Variants in AGAP1 observed in about 807,000 individuals in gnomAD.
AGAP1 encodes the protein ArfGAP with GTPase domain, ankyrin repeat and PH domain 1.
In AGAP1, 29 loss-of-function variants were observed where a neutral mutation model predicts 105.3. That is an observed-to-expected ratio of 0.28 (90% confidence interval 0.21 to 0.38). The LOEUF (loss-of-function observed/expected upper bound fraction) is 0.38, where lower values mean the gene tolerates loss of function less well. AGAP1 is among the 10% of genes least tolerant of loss of function. The probability of loss-of-function intolerance (pLI) is 1.00; values close to 1 mark genes in which losing one functional copy is unlikely to be tolerated. For missense variants in AGAP1, 998 were observed against 1,165.1 expected (o/e 0.86, Z 2.09); for synonymous variants, 509 against 485.9 (o/e 1.05, Z -0.63).
rs532445699 is a variant in AGAP1, at chr2:235,977,000, G to A, written c.1645+8377G>A. Among the ~76,000 whole-genome samples, 13 of 152,286 alleles carry A rather than the reference G, an allele frequency of 8.5e-5. No homozygotes were observed. In the South Asian group the frequency reaches 1.0e-3, roughly 12 times the overall value. The stretch of plus-strand genomic sequence containing the variant: ...AAGCATAAACTCACCTTTGAAAAAT[G>A]CTGACTACTCACAAGGTCCCTTTCT... On this transcript the variant is annotated intron_variant, in intron 13 of 17. Transcript: ENST00000304032. The surrounding 1 kb of genome is among the most constrained non-coding windows in gnomAD (Gnocchi z 4.5).
rs1055864187 is a variant in AGAP1 at position 236,050,171 on chromosome 2, T to C, written c.2114+890T>C. ...TTGTTTTGCTGCTGATCAGATAAAATGAAAGTTCAAGTGGTAATCTGTGGT... is the reference window on the plus strand; with the variant it reads ...TTGTTTTGCTGCTGATCAGATAAAACGAAAGTTCAAGTGGTAATCTGTGGT... On this transcript the variant is annotated intron_variant, in intron 16 of 17. Coordinates refer to ENST00000304032, the MANE Select transcript of AGAP1 (RefSeq NM_001037131.3). The surrounding 1 kb of genome is among the most constrained non-coding windows in gnomAD (Gnocchi z 4.0). Among the ~76,000 whole-genome samples the C allele has an allele frequency of 2.0e-5, 3 of 152,220 alleles. No individual in the cohort carries two copies. The highest frequency in any genetic ancestry group is 7.2e-5 in the African/African-American group (3 of 41,450).
chr2:235,758,428 A>G (rs565045627), intron 6 of AGAP1, among the ~76,000 whole-genome samples: 3 of 152,276 alleles, frequency 2.0e-5, no homozygotes, highest in African/African-American at 7.2e-5. Context: ...TACATGGTGC[A>G]GCTGGTGTCA....
chr2:235,984,025 C>T (rs1321569140), intron 13 of AGAP1, among the ~76,000 whole-genome samples: 1 of 152,210 alleles, frequency 6.6e-6, no homozygotes, highest in Non-Finnish European at 1.5e-5. Flanking sequence ...TTCTTCACTC[C>T]AAACAGAAAT....
rs1443718767 is a variant in AGAP1, at chr2:235,866,616, CTG to C, written c.1051-16720_1051-16719del. On this transcript the variant is annotated intron_variant, in intron 9 of 17. Coordinates refer to ENST00000304032, the MANE Select transcript of AGAP1 (RefSeq NM_001037131.3). The surrounding 1 kb of genome is among the most constrained non-coding windows in gnomAD (Gnocchi z 6.1). Reference sequence around the variant, plus strand: ...AGCAGTGCACAGCCTGTTCATGCACCTGTGTGTGTGAGTCAGCTCAAACTGCC... The same window carrying C: ...AGCAGTGCACAGCCTGTTCATGCACCTGTGTGTGAGTCAGCTCAAACTGCC... Among the ~76,000 whole-genome samples, 1 of 152,196 alleles carries C rather than the reference CTG, an allele frequency of 6.6e-6. No homozygotes were observed. Among genetic ancestry groups the C allele is most frequent in the African/African-American group, 2.4e-5 (1 of 41,448 alleles).
intron 6 of AGAP1, among the ~76,000 whole-genome samples, chr2:235,770,609 A>G (rs1389669729): frequency 6.6e-6 from 1 of 152,238 alleles, no homozygotes; most frequent in Admixed American, 6.5e-5. Flanking sequence ...CTCCTAAAGT[A>G]GAAGATTTAA....
rs1457977903 is a variant in AGAP1, at chr2:236,053,606, C to T, written c.2114+4325C>T. 1.3e-5 allele frequency among the ~76,000 whole-genome samples: 2 copies of T among 152,272 alleles called. No individual in the cohort carries two copies. The highest frequency in any genetic ancestry group is 6.5e-5 in the Admixed American group (1 of 15,290). ...GCCACATTCCTCTTGGCAGAAGCCT[C>T]GCTCTGCGTGGCACTGCATCTCCCC... On this transcript the variant is annotated intron_variant, in intron 16 of 17. Transcript: ENST00000304032. The surrounding 1 kb of genome is among the most constrained non-coding windows in gnomAD (Gnocchi z 4.6).
intron 16 of AGAP1, among the ~76,000 whole-genome samples, chr2:236,063,588 G>C (rs1488199070): frequency 1.3e-5 from 2 of 152,238 alleles, no homozygotes; most frequent in African/African-American, 4.8e-5. Flanking sequence ...ATTTGTGCTG[G>C]TGATTTCGAC....
intron 8 of AGAP1, among the ~76,000 whole-genome samples, chr2:235,803,069 T>TGTG (rs1957645615): frequency 9.3e-4 from 2 of 2,152 alleles, no homozygotes; most frequent in African/African-American, 1.3e-3. Flanking sequence ...TGGTGATAGT[T>TGTG]GTGATGGTGA....
At chr2:235,828,762 T>A (rs540765909) in intron 9 of AGAP1, among the ~76,000 whole-genome samples, 1 of 152,340 alleles carries the variant, frequency 6.6e-6, no homozygotes, top group South Asian at 2.1e-4. Flanking sequence ...GTTGCTCGGA[T>A]GTCATGAGAT....
intron 1 of AGAP1, among the ~76,000 whole-genome samples, chr2:235,617,625 C>T (rs751853901): frequency 6.6e-6 from 1 of 152,126 alleles, no homozygotes; most frequent in Non-Finnish European, 1.5e-5. Flanking sequence ...TCGCTTGAAC[C>T]TGGGAGGCGG....
chr2:235,723,713 A>G lies in AGAP1; in HGVS notation c.310+6069A>G, dbSNP rs1232153191. On this transcript the variant is annotated intron_variant, in intron 3 of 17. Coordinates refer to ENST00000304032, the MANE Select transcript of AGAP1 (RefSeq NM_001037131.3). The surrounding 1 kb of genome is among the most constrained non-coding windows in gnomAD (Gnocchi z 6.2). Reference sequence around the variant, plus strand: ...GAGGAGGGCAGAAAGGTGGCCCCACAAGCTTCCCAAGATGAAACTAAACTG... The same window carrying G: ...GAGGAGGGCAGAAAGGTGGCCCCACGAGCTTCCCAAGATGAAACTAAACTG... 3.3e-5 allele frequency among the ~76,000 whole-genome samples: 5 copies of G among 152,158 alleles called. No individual in the cohort carries two copies. The highest frequency in any genetic ancestry group is 4.8e-5 in the African/African-American group (2 of 41,428).
chr2:235,685,880 A>G (rs933760659), intron 1 of AGAP1, among the ~76,000 whole-genome samples: 1 of 152,122 alleles, frequency 6.6e-6, no homozygotes, highest in African/African-American at 2.4e-5. Context: ...TTAGGGAGAC[A>G]TGAGACACCA....
chr2:236,120,077 T>G lies in AGAP1; in HGVS notation c.2115-115T>G. 6.9e-7 allele frequency: 1 copy of G among 1,448,638 alleles called. No individual in the cohort carries two copies. 89.7% of individuals were successfully genotyped at this position (1,448,638 alleles called of 1,614,324 possible). A position where few individuals can be genotyped will look rare whatever the true frequency, so the allele number is the denominator to read the frequency against. ...GGGGCTTTGTGCCGAGTGAAGACCT[T>G]TGCTTTCTGTTATTTCACTTCCCTC... On this transcript the variant is annotated intron_variant, in intron 16 of 17. Transcript: ENST00000304032. The surrounding 1 kb of genome is among the most constrained non-coding windows in gnomAD (Gnocchi z 6.0).
chr2:235,838,793 A>G (rs1350682433), intron 9 of AGAP1, among the ~76,000 whole-genome samples: 1 of 152,178 alleles, frequency 6.6e-6, no homozygotes, highest in African/African-American at 2.4e-5. Context: ...AGTATTTTCT[A>G]CAGATGACAT....
In AGAP1 at chr2:235,739,931, C is replaced by G. The variant is rs1006992953; in HGVS notation, c.311-1032C>G. Among the ~76,000 whole-genome samples, 1 of 152,182 alleles carries G rather than the reference C, an allele frequency of 6.6e-6. No individual in the cohort carries two copies. The highest frequency in any genetic ancestry group is 2.4e-5 in the African/African-American group (1 of 41,440). ...AGCCTCTGGGCTCTGGCAGCATTGT[C>G]CTCTGGGTCCAGCGATTTGGGGTTT... On this transcript the variant is annotated intron_variant, in intron 3 of 17. Transcript: ENST00000304032. The surrounding 1 kb of genome is among the most constrained non-coding windows in gnomAD (Gnocchi z 5.3).
chr2:235,739,130 A>G lies in AGAP1; in HGVS notation c.311-1833A>G, dbSNP rs1952429287. On this transcript the variant is annotated intron_variant, in intron 3 of 17. Transcript: ENST00000304032. This position sits in a 1 kb window ranked among gnomAD's most constrained non-coding sequence, Gnocchi z 5.3. ...CTTATTACTCCTCGCCTGCTAGGACATCATCCCCTTTGCATCTGGGGACAC... is the reference window on the plus strand; with the variant it reads ...CTTATTACTCCTCGCCTGCTAGGACGTCATCCCCTTTGCATCTGGGGACAC... 6.6e-6 allele frequency among the ~76,000 whole-genome samples: 1 copy of G among 152,206 alleles called. No individual in the cohort carries two copies. The highest frequency in any genetic ancestry group is 1.9e-4 in the East Asian group (1 of 5,194).
chr2:235,558,813 G>C (rs1944055688), intron 1 of AGAP1, among the ~76,000 whole-genome samples: 2 of 152,180 alleles, frequency 1.3e-5, no homozygotes, highest in African/African-American at 2.4e-5. Flanking sequence ...GGAGCCCCAA[G>C]GTACTGTGGG....
At chr2:235,780,650 T>G (rs531955957) in intron 6 of AGAP1, among the ~76,000 whole-genome samples, 1 of 152,368 alleles carries the variant, frequency 6.6e-6, no homozygotes, top group South Asian at 2.1e-4. Flanking sequence ...CCTTGGTGAT[T>G]GATAGGATTA....
chr2:235,792,479 G>T lies in AGAP1; in HGVS notation c.674-5280G>T, dbSNP rs1345853275. On this transcript the variant is annotated intron_variant, in intron 6 of 17. Coordinates refer to ENST00000304032, the MANE Select transcript of AGAP1 (RefSeq NM_001037131.3). The surrounding 1 kb of genome is among the most constrained non-coding windows in gnomAD (Gnocchi z 5.3). Reference sequence around the variant, plus strand: ...GAAAAACTGGAAATAGAACAGCGCTGTGGTAAGATTTGCCTTTGAGGTCGC... The same window carrying T: ...GAAAAACTGGAAATAGAACAGCGCTTTGGTAAGATTTGCCTTTGAGGTCGC... Among the ~76,000 whole-genome samples the T allele has an allele frequency of 6.6e-6, 1 of 152,214 alleles. No homozygotes were observed. Among genetic ancestry groups the T allele is most frequent in the African/African-American group, 2.4e-5 (1 of 41,448 alleles).
Sources: gnomAD v4.1 joint callset for allele counts (sites outside exome capture counted in the v4.1 genomes callset) on GRCh38, gnomAD v4.1.1 for gene constraint, Gnocchi (gnomAD v3.1) non-coding constraint, MANE v1.5 for transcripts, NCBI Gene and HGNC (gene_info 2026-07-23, HGNC 2026-07-21) for gene names.